PPA2: variants seen among roughly 807,000 people sequenced by gnomAD.
PPA2 encodes the protein inorganic pyrophosphatase 2.
A neutral mutation model predicts 49.5 loss-of-function variants in PPA2; 48 were observed. The ratio of observed to expected loss-of-function variants is 0.97; its 90% CI spans 0.77 to 1.23. The LOEUF (loss-of-function observed/expected upper bound fraction) is 1.23. Among genes scored for constraint, PPA2 ranks in the 50% most tolerant of loss-of-function variants. The pLI, the probability that PPA2 is intolerant of heterozygous loss-of-function variation, is 0.00. For missense variants in PPA2, 429 were observed against 410.1 expected (o/e 1.05, Z -0.40); for synonymous variants, 131 against 139.9 (o/e 0.94, Z 0.45).
chr4:105,435,853 C>G (rs1724030648), intron 6 of PPA2, among the ~76,000 whole-genome samples: 1 of 152,040 alleles, frequency 6.6e-6, no homozygotes, highest in Non-Finnish European at 1.5e-5. Flanking sequence ...CAACATCATA[C>G]CAAATGTGAA....
intron 2 of PPA2, among the ~76,000 whole-genome samples, chr4:105,455,098 T>C (rs1722826110): frequency 6.6e-6 from 1 of 152,190 alleles, no homozygotes; most frequent in Non-Finnish European, 1.5e-5. Flanking sequence ...TCCAATTGAG[T>C]GGACTATACC....
chr4:105,405,320 C>T (rs1722412404), intron 7 of PPA2: 1 of 759,824 alleles, frequency 1.3e-6, no homozygotes, highest in South Asian at 6.0e-5. Context: ...TAACTTTTTG[C>T]TATACACATA....
At chr4:105,372,282 G>T (rs1366896937) in intron 10 of PPA2, among the ~76,000 whole-genome samples, 1 of 152,132 alleles carries the variant, frequency 6.6e-6, no homozygotes, top group Non-Finnish European at 1.5e-5. Flanking sequence ...TGGCCCCTTG[G>T]TCTTCTTGCC....
chr4:105,388,853 G>C (rs2713836), intron 9 of PPA2, among the ~76,000 whole-genome samples: 53,941 of 139,860 alleles, frequency 0.39, 12,063 homozygotes, highest in East Asian at 0.67. Context: ...AAAAAAATTA[G>C]CTGTTTTAAG....
intron 7 of PPA2, among the ~76,000 whole-genome samples, chr4:105,409,436 C>A: frequency 6.6e-6 from 1 of 152,058 alleles, no homozygotes; most frequent in East Asian, 1.9e-4. Context: ...CTCTGCAAGG[C>A]CTACAGCCTC....
At position 105,446,481 on chromosome 4, in the gene PPA2, T is replaced by G; in HGVS notation, c.343A>C (p.Asn115His). 1.2e-6 allele frequency: 2 copies of G among 1,603,626 alleles called. No individual in the cohort carries two copies. The highest frequency in any genetic ancestry group is 1.7e-6 in the Non-Finnish European group (2 of 1,176,588). The change falls in exon 5 of 12, where the codon AAT becomes CAT. Residue 115 changes from asparagine (N) to histidine (H), a missense_variant. Asn to His is a moderately conservative substitution (Grantham distance 68, BLOSUM62 1). Coordinates refer to ENST00000341695, the MANE Select transcript of PPA2 (RefSeq NM_176869.3). ...KMEIATKEPM[N>H]PIKQYVKDGK... ...TCCTTTACATATTGTTTAATGGGAT[T>G]CATTGGCTCCTTGGTGGCAATCTAA...
chr4:105,429,000 C>A (rs1217622748), intron 6 of PPA2, among the ~76,000 whole-genome samples: 2 of 152,138 alleles, frequency 1.3e-5, no homozygotes, highest in Admixed American at 6.5e-5. Context: ...AGAATTCTCA[C>A]ACAATAGGTA....
chr4:105,390,616 A>C (rs4467572), intron 9 of PPA2, among the ~76,000 whole-genome samples: 91,529 of 152,052 alleles, frequency 0.6, 27,599 homozygotes, highest in East Asian at 0.69. Context: ...TACCATCTTG[A>C]GCCATGAATG....
intron 3 of PPA2, among the ~76,000 whole-genome samples, chr4:105,453,051 G>A (rs1180475922): frequency 6.6e-6 from 1 of 152,008 alleles, no homozygotes; most frequent in African/African-American, 2.4e-5. Context: ...ATAATTTAAA[G>A]TGAAATATTT....
intron 1 of PPA2, 198 bp downstream of exon 1, chr4:105,473,696 G>A (rs1273007462): frequency 2.3e-6 from 2 of 884,088 alleles, no homozygotes; most frequent in Admixed American, 1.8e-5. Context: ...GTCTTGATCC[G>A]CCGCCTCCTC....
chr4:105,429,343 A>G (rs957479741), intron 6 of PPA2, among the ~76,000 whole-genome samples: 5 of 152,194 alleles, frequency 3.3e-5, no homozygotes, highest in African/African-American at 1.2e-4. Context: ...TACAGTGGCA[A>G]CACTACTCCT....
intron 9 of PPA2, among the ~76,000 whole-genome samples, chr4:105,394,373 C>CA (rs34736301): frequency 0.18 from 17,451 of 96,656 alleles, 1,612 homozygotes; most frequent in Middle Eastern, 0.25. Flanking sequence ...GATTCCATTT[C>CA]AAAAAAAAAA....
At chr4:105,400,891 G>T (rs1185030366) in intron 7 of PPA2, among the ~76,000 whole-genome samples, 2 of 151,988 alleles carry the variant, frequency 1.3e-5, no homozygotes, top group Admixed American at 6.6e-5. Context: ...TTTTATAATG[G>T]AAATAAGAAG....
chr4:105,370,649 A>G, intron 11 of PPA2, 188 bp downstream of exon 11: 2 of 957,578 alleles, frequency 2.1e-6, no homozygotes, highest in Non-Finnish European at 2.5e-6. Flanking sequence ...AGTTAAATGC[A>G]TTCTCCTTAT....
intron 1 of PPA2, among the ~76,000 whole-genome samples, chr4:105,469,179 C>G (rs1163150352): frequency 1.3e-5 from 2 of 152,174 alleles, no homozygotes. Context: ...ATTGTAGTCA[C>G]TGTGTCATTT....
At chr4:105,402,340 G>T (rs1248913910) in intron 7 of PPA2, among the ~76,000 whole-genome samples, 1 of 152,170 alleles carries the variant, frequency 6.6e-6, no homozygotes, top group Non-Finnish European at 1.5e-5. Flanking sequence ...TATGCATATA[G>T]GCTGCTTTGC....
chr4:105,379,332 G>A (rs1314346502), intron 10 of PPA2, among the ~76,000 whole-genome samples: 4 of 151,254 alleles, frequency 2.6e-5, no homozygotes, highest in Admixed American at 2.0e-4. Context: ...ACTTGCTTGA[G>A]ATATATATCT....
chr4:105,395,951 A>G (rs557826932), intron 9 of PPA2, among the ~76,000 whole-genome samples: 2 of 152,310 alleles, frequency 1.3e-5, no homozygotes, highest in East Asian at 3.9e-4. Context: ...ATTAGATTTT[A>G]AAGAAACCGC....
intron 9 of PPA2, among the ~76,000 whole-genome samples, chr4:105,388,385 C>T (rs965819681): frequency 1.1e-4 from 17 of 151,246 alleles, no homozygotes; most frequent in Admixed American, 6.6e-4. Context: ...TAAGCCAGCA[C>T]GGTAAAATTT....
Sources: gnomAD v4.1 joint callset for allele counts (sites outside exome capture counted in the v4.1 genomes callset) on GRCh38, gnomAD v4.1.1 for gene constraint, MANE v1.5 for transcripts, NCBI Gene and HGNC (gene_info 2026-07-23, HGNC 2026-07-21) for gene names.